DMXL2: variants seen among roughly 807,000 people sequenced by gnomAD.
The protein encoded by DMXL2 is Dmx like 2, also known as dmX-like protein 2.
A neutral mutation model predicts 331.1 loss-of-function variants in DMXL2; 103 were observed. That is an observed-to-expected ratio of 0.31 (90% CI 0.27 to 0.37). DMXL2 has a LOEUF of 0.37. Ranked by LOEUF, DMXL2 falls within the 10% of genes least tolerant of loss-of-function variation. The pLI, the probability that DMXL2 is intolerant of heterozygous loss-of-function variation, is 1.00. For missense variants in DMXL2, 3,171 were observed against 3,642.9 expected, an observed-to-expected ratio of 0.87 and a Z score of 3.33; for synonymous variants, 1,281 against 1,252.1, an observed-to-expected ratio of 1.02 and a Z score of -0.49.
chr15:51,465,500 T>C (rs1377444670), intron 31 of DMXL2, 66 bp downstream of exon 31: 10 of 1,177,248 alleles, frequency 8.5e-6, no homozygotes, highest in Non-Finnish European at 1.2e-5. Context: ...ATATAGATTT[T>C]GTAAAGAGAA....
chr15:51,590,232 T>C (rs572253604), intron 1 of DMXL2, among the ~76,000 whole-genome samples: 1 of 152,186 alleles, frequency 6.6e-6, no homozygotes, highest in African/African-American at 2.4e-5. Context: ...TTCCTAGATA[T>C]TCAACTAGTA....
In DMXL2 at chr15:51,463,511, T is replaced by C. The variant is rs1420525465; in HGVS notation, c.7809-15A>G. On this transcript the variant is annotated splice_polypyrimidine_tract_variant and intron_variant, in intron 32 of 43. Transcript: ENST00000560891. ...AATCCCGGGACCTATTAAAAAAAATTAACATATCACACTACTTTAGTCTAT... is the reference window on the plus strand; with the variant it reads ...AATCCCGGGACCTATTAAAAAAAATCAACATATCACACTACTTTAGTCTAT... 1.0e-5 allele frequency: 15 copies of C among 1,439,814 alleles called. No homozygotes were observed. Among genetic ancestry groups the C allele is most frequent in the Non-Finnish European group, 1.4e-5 (15 of 1,050,364 alleles). 89.2% of individuals were successfully genotyped at this position (1,439,814 alleles called of 1,614,324 possible). A position where few individuals can be genotyped will look rare whatever the true frequency, so the allele number is the denominator to read the frequency against.
At chr15:51,492,473 T>C (rs2042878783) in intron 19 of DMXL2, among the ~76,000 whole-genome samples, 1 of 151,914 alleles carries the variant, frequency 6.6e-6, no homozygotes, top group African/African-American at 2.4e-5. Flanking sequence ...TTGGTGAACA[T>C]TGTTTTTTGT....
At chr15:51,565,903 T>C (rs1160587283) in intron 3 of DMXL2, among the ~76,000 whole-genome samples, 2 of 152,190 alleles carry the variant, frequency 1.3e-5, no homozygotes, top group Admixed American at 1.3e-4. Flanking sequence ...TTTTAAAATG[T>C]ATACAAGGTT....
At chr15:51,453,682 G>C in intron 40 of DMXL2, 41 bp from the exon 41 acceptor site, 1 of 1,490,862 alleles carries the variant, frequency 6.7e-7, no homozygotes. Flanking sequence ...TTTACCATTG[G>C]ATAAAATTTG....
chr15:51,464,247 C>CA (rs2040378448), intron 32 of DMXL2, among the ~76,000 whole-genome samples: 2 of 151,920 alleles, frequency 1.3e-5, no homozygotes, highest in South Asian at 2.1e-4. Context: ...ACAAAAAATA[C>CA]AAAAAAAATT....
chr15:51,608,184 C>CAA (rs11402503), intron 1 of DMXL2, among the ~76,000 whole-genome samples: 30 of 148,406 alleles, frequency 2.0e-4, no homozygotes, highest in African/African-American at 5.7e-4. Context: ...GACTCAGTCT[C>CAA]AAAAAAAAAA....
At chr15:51,490,689 C>T (rs998351805) in intron 20 of DMXL2, among the ~76,000 whole-genome samples, 2 of 152,142 alleles carry the variant, frequency 1.3e-5, no homozygotes, top group African/African-American at 2.4e-5. Context: ...TTATGAAAAG[C>T]AACTGGCACC....
chr15:51,454,838 G>A (rs944680404), intron 40 of DMXL2, among the ~76,000 whole-genome samples: 13 of 152,068 alleles, frequency 8.5e-5, no homozygotes, highest in Non-Finnish European at 1.6e-4. Context: ...TGTATATTAA[G>A]AAGATAGAGT....
At chr15:51,496,445 T>C (rs1325096046) in intron 18 of DMXL2, among the ~76,000 whole-genome samples, 4 of 152,186 alleles carry the variant, frequency 2.6e-5, no homozygotes, top group African/African-American at 9.7e-5. Flanking sequence ...GAACAAGCCA[T>C]GCATGAATCT....
rs1427586177 is a variant in DMXL2 at position 51,474,383 on chromosome 15, G to A, written c.7174C>T (p.Leu2392Phe). The A allele has an allele frequency of 3.7e-6, 6 of 1,613,060 alleles. No homozygotes were observed. The highest frequency in any genetic ancestry group is 5.1e-6 in the Non-Finnish European group (6 of 1,179,300). ...WAAVFGGGVKLVVKPRRQSEN... is the reference protein window; with the variant it reads ...WAAVFGGGVKFVVKPRRQSEN... ...GATTGTCTTCGAGGTTTCACAACAA[G>A]TTTTACACCGCCTCCAAAAACAGCA... The change falls in exon 28 of 44, where the codon CTT (leucine) becomes TTT (phenylalanine). Residue 2392 changes from leucine (L) to phenylalanine (F), a missense_variant. Leu to Phe is a conservative substitution (Grantham distance 22, BLOSUM62 0). Coordinates refer to ENST00000560891, the MANE Select transcript of DMXL2 (RefSeq NM_001378457.1).
intron 32 of DMXL2, 64 bp downstream of exon 32, chr15:51,464,611 A>T: frequency 7.1e-7 from 1 of 1,417,228 alleles, no homozygotes; most frequent in Non-Finnish European, 9.8e-7. Flanking sequence ...TGGCATATTT[A>T]GCCAAACTGT....
chr15:51,564,259 A>G lies in DMXL2; in HGVS notation c.366T>C (p.Asp122=), dbSNP rs758991925. The change falls in exon 5 of 44, where the codon GAT becomes GAC. Residue 122 remains aspartate, a splice_region_variant and synonymous_variant. Transcript: ENST00000560891. ...AATCAGTTGCTGTCAACAATCTATT[A>G]TCTGAAAATTAAAGAATGTTATGAT... ...VTYNLAWDPQ[D]NRLLTATDSI... is the part of the protein sequence containing the mutation. 6.3e-7 allele frequency: 1 copy of G among 1,575,410 alleles called. No individual in the cohort carries two copies. Among genetic ancestry groups the G allele is most frequent in the Non-Finnish European group, 8.6e-7 (1 of 1,166,752 alleles).
At chr15:51,482,657 G>C (rs867169868) in intron 23 of DMXL2, among the ~76,000 whole-genome samples, 1 of 152,308 alleles carries the variant, frequency 6.6e-6, no homozygotes, top group African/African-American at 2.4e-5. Flanking sequence ...GGCAGGAAAT[G>C]TACAAGATGA....
At chr15:51,544,761 T>C (rs551873986) in intron 8 of DMXL2, among the ~76,000 whole-genome samples, 1 of 152,290 alleles carries the variant, frequency 6.6e-6, no homozygotes, top group South Asian at 2.1e-4. Context: ...CATAATATGA[T>C]CTCAATCGTA....
chr15:51,544,300 C>T (rs142962155), intron 8 of DMXL2, among the ~76,000 whole-genome samples: 1 of 152,202 alleles, frequency 6.6e-6, no homozygotes, highest in East Asian at 1.9e-4. Context: ...AAGATTTGGT[C>T]ATTTAAAAAT....
At chr15:51,544,049 TTTAA>T (rs2048753865) in intron 8 of DMXL2, among the ~76,000 whole-genome samples, 1 of 152,198 alleles carries the variant, frequency 6.6e-6, no homozygotes. Flanking sequence ...AAAAGATAAC[TTTAA>T]CTGTTTTGAC....
chr15:51,618,200 T>C (rs1462288983), intron 1 of DMXL2, among the ~76,000 whole-genome samples: 1 of 152,220 alleles, frequency 6.6e-6, no homozygotes, highest in South Asian at 2.1e-4. Flanking sequence ...GCTGGTAATA[T>C]TGCACAGCTG....
chr15:51,521,001 T>A (rs888516362), intron 13 of DMXL2, among the ~76,000 whole-genome samples: 1 of 152,230 alleles, frequency 6.6e-6, no homozygotes, highest in Non-Finnish European at 1.5e-5. Context: ...AATTAGTGAT[T>A]TTTAGCAAAA....
Sources: allele counts gnomAD v4.1 joint callset (sites outside exome capture counted in the v4.1 genomes callset), GRCh38; gene constraint gnomAD v4.1.1; transcripts MANE v1.5; gene names NCBI Gene and HGNC (gene_info 2026-07-23, HGNC 2026-07-21).